The following PPP1CB variants were observed in gnomAD, a reference collection of about 807,000 sequenced individuals.
PPP1CB encodes serine/threonine-protein phosphatase PP1-beta catalytic subunit.
In PPP1CB, 2 loss-of-function variants were observed where a neutral mutation model predicts 43.7. That is an observed-to-expected ratio of 0.05 (90% CI 0.02 to 0.14). The LOEUF (loss-of-function observed/expected upper bound fraction) is 0.14. Among genes scored for constraint, PPP1CB ranks in the 10% least tolerant of loss-of-function variants. The pLI is 1.00. For missense variants in PPP1CB, 84 were observed against 398.0 expected (o/e 0.21, Z 6.71); for synonymous variants, 136 against 135.6 (o/e 1.00, Z -0.02).
intron 7 of PPP1CB, among the ~76,000 whole-genome samples, chr2:28,797,120 C>A (rs766227383): frequency 4.6e-5 from 7 of 152,026 alleles, no homozygotes; most frequent in East Asian, 1.9e-4. Context: ...CAGGAATAAA[C>A]CCTTCTTGAT....
intron 1 of PPP1CB, among the ~76,000 whole-genome samples, chr2:28,756,035 G>A (rs971288155): frequency 1.3e-5 from 2 of 152,076 alleles, no homozygotes; most frequent in African/African-American, 4.8e-5. Flanking sequence ...AACATACTTT[G>A]TAAAATTCAC....
intron 4 of PPP1CB, chr2:28,782,053 AT>A: frequency 1.7e-6 from 1 of 601,086 alleles, no homozygotes; most frequent in Non-Finnish European, 2.9e-6. Flanking sequence ...AGTTTCACAT[AT>A]AAGGAGTGTA....
At chr2:28,768,554 G>A (rs950740878) in intron 1 of PPP1CB, among the ~76,000 whole-genome samples, 1 of 152,132 alleles carries the variant, frequency 6.6e-6, no homozygotes, top group African/African-American at 2.4e-5. Context: ...CAAGTTAGAG[G>A]GGCCTTATTA....
chr2:28,793,848 C>T lies in PPP1CB; in HGVS notation c.745-15C>T, dbSNP rs751441010. ...CACCAATAAATGTTTTTTCTTCTGA[C>T]ATTTCCTTTGACAGGTGGTGGAAGA... On this transcript the variant is annotated splice_polypyrimidine_tract_variant and intron_variant, in intron 6 of 7. Coordinates refer to ENST00000395366, the MANE Select transcript of PPP1CB (RefSeq NM_002709.3). 1.4e-5 allele frequency: 22 copies of T among 1,613,034 alleles called. No individual in the cohort carries two copies.
At chr2:28,798,497 A>G (rs911206669) in intron 7 of PPP1CB, among the ~76,000 whole-genome samples, 1 of 152,150 alleles carries the variant, frequency 6.6e-6, no homozygotes, top group Admixed American at 6.5e-5. Flanking sequence ...AATGGACTGT[A>G]CAATGTACAA....
In PPP1CB at chr2:28,794,954, A is replaced by C. The variant is rs571619909; in HGVS notation, c.879+957A>C. ...TGGTGTATGAATGATCTTATCTCCC[A>C]GGTAGTGAGCATAGAGTTTTTCATT... is the stretch of plus-strand genomic sequence containing the variant. On this transcript the variant is annotated intron_variant, in intron 7 of 7. Transcript: ENST00000395366. Among the ~76,000 whole-genome samples, 4 of 152,216 alleles carry C rather than the reference A, an allele frequency of 2.6e-5. No individual in the cohort carries two copies. The South Asian group carries it at 8.3e-4, about 32-fold the overall frequency.
intron 1 of PPP1CB, among the ~76,000 whole-genome samples, chr2:28,752,572 A>G (rs954022705): frequency 1.8e-4 from 28 of 152,184 alleles, no homozygotes; most frequent in Middle Eastern, 3.4e-3. Flanking sequence ...CCGTGGAATC[A>G]CTGTTCTTCT....
chr2:28,756,755 T>C (rs1005178798), intron 1 of PPP1CB, among the ~76,000 whole-genome samples: 1 of 152,324 alleles, frequency 6.6e-6, no homozygotes, highest in East Asian at 1.9e-4. Context: ...CCCAAAGTGT[T>C]GGGATTACAG....
intron 1 of PPP1CB, among the ~76,000 whole-genome samples, chr2:28,761,638 C>A (rs114625186): frequency 1.6e-3 from 243 of 152,334 alleles, no homozygotes; most frequent in African/African-American, 5.5e-3. Context: ...GTGACAGATA[C>A]TGTTTCCTCC....
intron 1 of PPP1CB, among the ~76,000 whole-genome samples, chr2:28,755,286 C>T (rs907261661): frequency 3.3e-5 from 5 of 152,112 alleles, no homozygotes; most frequent in Non-Finnish European, 2.9e-5. Flanking sequence ...GTGATCCACC[C>T]GCCTCGGCCT....
chr2:28,771,017 A>C (rs972572448), intron 1 of PPP1CB, among the ~76,000 whole-genome samples: 2 of 147,212 alleles, frequency 1.4e-5, no homozygotes, highest in Non-Finnish European at 3.0e-5. Flanking sequence ...AATTCTGTCT[A>C]GACTTACCTA....
chr2:28,765,065 A>G (rs1367538331), intron 1 of PPP1CB, among the ~76,000 whole-genome samples: 1 of 152,212 alleles, frequency 6.6e-6, no homozygotes, highest in Non-Finnish European at 1.5e-5. Context: ...AATTTAGTAT[A>G]CACACAACAC....
In PPP1CB at chr2:28,794,010, CATAA is replaced by C. The variant is rs749386674; in HGVS notation, c.879+17_879+20del. ...GTGTTCATTTCAGGTATGATGTAAA[CATAA>C]ATATATAAGAACTAGAAATCTAATA... is the stretch of plus-strand genomic sequence containing the variant. On this transcript the variant is annotated intron_variant, in intron 7 of 7. Transcript: ENST00000395366. 34 of 1,586,374 alleles carry C rather than the reference CATAA, an allele frequency of 2.1e-5. No homozygotes were observed. The African/African-American group carries it at 3.6e-4, about 17-fold the overall frequency.
intron 2 of PPP1CB, chr2:28,778,242 A>G (rs1244383299): frequency 2.5e-6 from 1 of 392,690 alleles, no homozygotes; most frequent in Non-Finnish European, 5.3e-6. Context: ...AAGTTAAACT[A>G]CCAGATAATA....
Position 28,793,959 on chromosome 2 carries a change from A to G in PPP1CB, c.841A>G (p.Met281Val), listed in dbSNP as rs1667442650. Reference sequence around the variant, plus strand: ...TGGCGAGTTTGATAATGCTGGTGGAATGATGAGTGTGGATGAAACTTTGAT... The same window carrying G: ...TGGCGAGTTTGATAATGCTGGTGGAGTGATGAGTGTGGATGAAACTTTGAT... ...YCGEFDNAGGMMSVDETLMCS... is the reference protein window; with the variant it reads ...YCGEFDNAGGVMSVDETLMCS... The change falls in exon 7 of 8, where the codon ATG (methionine) becomes GTG (valine). Residue 281 changes from methionine (M) to valine (V), a missense_variant. By Grantham distance (21) the Met-to-Val change is conservative. Around this residue, in one of 5 missense-constraint regions of PPP1CB, gnomAD observed 4 missense variants for 72.9 expected, o/e 0.05. Coordinates refer to ENST00000395366, the MANE Select transcript of PPP1CB (RefSeq NM_002709.3). The G allele has an allele frequency of 6.2e-7, 1 of 1,614,010 alleles. No homozygotes were observed. Among genetic ancestry groups the G allele is most frequent in the African/African-American group, 1.3e-5 (1 of 74,932 alleles).
chr2:28,776,723 T>C, intron 1 of PPP1CB, 128 bp from the exon 2 acceptor site: 1 of 719,700 alleles, frequency 1.4e-6, no homozygotes, highest in Non-Finnish European at 2.2e-6. Context: ...TTTTAAACCA[T>C]GGGACCAAAT....
rs2148449168 is a variant in PPP1CB at position 28,752,039 on chromosome 2, T to C, written c.-86T>C. ...GTCGAAACGCCGCGTGACTTGTAGGTGAGAGAACGCCGAGCCGTCGCCGCA... is the reference window on the plus strand; with the variant it reads ...GTCGAAACGCCGCGTGACTTGTAGGCGAGAGAACGCCGAGCCGTCGCCGCA... On this transcript the variant is annotated 5_prime_UTR_variant, in exon 1 of 8. Coordinates refer to ENST00000395366, the MANE Select transcript of PPP1CB (RefSeq NM_002709.3). 5 of 1,309,980 alleles carry C rather than the reference T, an allele frequency of 3.8e-6. No individual in the cohort carries two copies. Among genetic ancestry groups the C allele is most frequent in the East Asian group, 2.6e-5 (1 of 39,108 alleles). The allele number at this position is 1,309,980 out of a possible 1,614,324, so 81.1% of individuals were successfully genotyped here.
At chr2:28,790,592 A>T (rs1459469557) in intron 6 of PPP1CB, among the ~76,000 whole-genome samples, 1 of 152,118 alleles carries the variant, frequency 6.6e-6, no homozygotes, top group African/African-American at 2.4e-5. Flanking sequence ...TGCCCACCTC[A>T]GCCTCCCAAA....
rs6547877 is a variant in PPP1CB at position 28,783,725 on chromosome 2, G to C, written c.521-182G>C. 0.57 allele frequency among the ~76,000 whole-genome samples: 85,819 copies of C among 151,252 alleles called. 24,855 individuals carry two copies. The highest frequency in any genetic ancestry group is 0.64 in the Middle Eastern group (187 of 294). On this transcript the variant is annotated intron_variant, in intron 4 of 7. Coordinates refer to ENST00000395366, the MANE Select transcript of PPP1CB (RefSeq NM_002709.3). ...TGAGCTGAGATCACGCTACTGCACT[G>C]CAGCCTGGGTGACAGAGTAAGATTC...
Sources: allele counts gnomAD v4.1 joint callset (sites outside exome capture counted in the v4.1 genomes callset), GRCh38; gene constraint gnomAD v4.1.1; regional missense constraint gnomAD v4.1.1; transcripts MANE v1.5; gene names NCBI Gene and HGNC (gene_info 2026-07-23, HGNC 2026-07-21).